CMYA5: variants seen among roughly 807,000 people sequenced by gnomAD.
The protein encoded by CMYA5 is cardiomyopathy-associated protein 5.
A neutral mutation model predicts 318.9 loss-of-function variants in CMYA5; 246 were observed. The observed-to-expected ratio is 0.77, with a 90% CI of 0.70 to 0.86. CMYA5 has a LOEUF of 0.86. Among genes scored for constraint, CMYA5 ranks in the 40% least tolerant of loss-of-function variants. CMYA5 has a pLI of 0.00. For missense variants in CMYA5, 4,589 were observed against 4,678.2 expected (o/e 0.98, Z 0.56); for synonymous variants, 1,641 against 1,729.5 (o/e 0.95, Z 1.27).
chr5:79,694,233 C>T (rs1194499894), intron 1 of CMYA5, among the ~76,000 whole-genome samples: 1 of 151,824 alleles, frequency 6.6e-6, no homozygotes, highest in Non-Finnish European at 1.5e-5. Flanking sequence ...AGGATAAAAA[C>T]AAACAAACAA....
At chr5:79,774,547 G>C (rs1561227383) in intron 9 of CMYA5, 2 of 152,304 alleles carry the variant, frequency 1.3e-5, no homozygotes, top group African/African-American at 2.4e-5. Flanking sequence ...GAGAGAAGCC[G>C]TGTATTGAAT....
At chr5:79,716,043 A>G (rs1318077660) in intron 1 of CMYA5, among the ~76,000 whole-genome samples, 1 of 152,186 alleles carries the variant, frequency 6.6e-6, no homozygotes, top group Non-Finnish European at 1.5e-5. Context: ...GATTAGGTCC[A>G]TAGGTCAGTT....
intron 1 of CMYA5, among the ~76,000 whole-genome samples, chr5:79,707,753 A>G (rs1827301623): frequency 6.6e-6 from 1 of 152,246 alleles, no homozygotes; most frequent in South Asian, 2.1e-4. Flanking sequence ...AGCCCCGGAA[A>G]GGAAGGGGAA....
rs916292395 is a variant in CMYA5 at position 79,753,192 on chromosome 5, T to C, written c.11110+398T>C. Among the ~76,000 whole-genome samples, 15 of 152,092 alleles carry C rather than the reference T, an allele frequency of 9.9e-5. 1 individual carries two copies. Among genetic ancestry groups the C allele is most frequent in the Admixed American group, 4.6e-4 (7 of 15,254 alleles). ...TGTCAAACAGATTTCTCTTTATGAG[T>C]GGTTTTCCCCTCTTCAATTCAGTTC... On this transcript the variant is annotated intron_variant, in intron 6 of 12. Coordinates refer to ENST00000446378, the MANE Select transcript of CMYA5 (RefSeq NM_153610.5).
At chr5:79,719,306 C>G (rs1827575355) in intron 1 of CMYA5, among the ~76,000 whole-genome samples, 1 of 152,116 alleles carries the variant, frequency 6.6e-6, no homozygotes, top group African/African-American at 2.4e-5. Context: ...TCTTTCCACT[C>G]ATGATTCTAA....
At chr5:79,702,627 C>T (rs1827194852) in intron 1 of CMYA5, among the ~76,000 whole-genome samples, 1 of 151,976 alleles carries the variant, frequency 6.6e-6, no homozygotes, top group South Asian at 2.1e-4. Flanking sequence ...AGGGGTGATG[C>T]TTTAGGGGCA....
chr5:79,698,620 C>T (rs952981050), intron 1 of CMYA5, among the ~76,000 whole-genome samples: 1 of 152,228 alleles, frequency 6.6e-6, no homozygotes, highest in Non-Finnish European at 1.5e-5. Context: ...GTGCAAATGA[C>T]GCTTTATAAA....
rs753038415 is a variant in CMYA5 at position 79,732,059 on chromosome 5, A to G, written c.3294A>G (p.Thr1098=). Residue 1098 remains threonine (T), a synonymous_variant, in exon 2 of 13, where the codon ACA becomes ACG. Coordinates refer to ENST00000446378, the MANE Select transcript of CMYA5 (RefSeq NM_153610.5). ...EKAEIKPEIP[T]TSTSVSEYLI... is the part of the protein sequence containing the mutation. ...CAGAAATTAAGCCAGAGATTCCAAC[A>G]ACCTCAACATCTGTATCTGAATATC... The G allele has an allele frequency of 2.5e-6, 4 of 1,613,980 alleles. No individual in the cohort carries two copies. In the South Asian group the frequency reaches 4.4e-5, roughly 18 times the overall value.
chr5:79,729,529 A>G lies in CMYA5; in HGVS notation c.764A>G (p.Lys255Arg). ...YGTLPKGYVIKEIHYRKGKDA... is the reference protein window; with the variant it reads ...YGTLPKGYVIREIHYRKGKDA... ...ACATTGCCAAAGGGTTATGTAATTA[A>G]AGAAATACATTATAGGAAAGGGAAA... The change falls in exon 2 of 13, where the codon AAA (lysine) becomes AGA (arginine). Residue 255 changes from lysine (K) to arginine (R), a missense_variant. Coordinates refer to ENST00000446378, the MANE Select transcript of CMYA5 (RefSeq NM_153610.5). The G allele has an allele frequency of 6.2e-7, 1 of 1,612,776 alleles. No individual in the cohort carries two copies. The highest frequency in any genetic ancestry group is 1.1e-5 in the South Asian group (1 of 90,968).
intron 9 of CMYA5, among the ~76,000 whole-genome samples, chr5:79,772,689 G>T (rs1276827932): frequency 6.6e-6 from 1 of 152,062 alleles, no homozygotes; most frequent in Admixed American, 6.5e-5. Context: ...ATCTTTAATC[G>T]CAGAGTCCCA....
intron 1 of CMYA5, among the ~76,000 whole-genome samples, chr5:79,707,492 A>G (rs78347320): frequency 0.022 from 3,295 of 152,310 alleles, 118 homozygotes; most frequent in African/African-American, 0.074. Context: ...TACACTTTCC[A>G]GAGGTAATCA....
In CMYA5 at chr5:79,737,866, A is replaced by G. The variant is rs753139603; in HGVS notation, c.9101A>G (p.Asp3034Gly). The G allele has an allele frequency of 2.5e-6, 4 of 1,598,494 alleles. No individual in the cohort carries two copies. The highest frequency in any genetic ancestry group is 3.4e-6 in the Non-Finnish European group (4 of 1,176,106). ...THKTKEEISTDSETDLSFIQP... is the reference protein window; with the variant it reads ...THKTKEEISTGSETDLSFIQP... ...AAGACAAAAGAAGAGATATCCACAG[A>G]TTCAGAAACTGATTTATCATTTATT... The change falls in exon 2 of 13, where the codon GAT (aspartate) becomes GGT (glycine). Residue 3034 changes from aspartate to glycine, a missense_variant. Transcript: ENST00000446378.
chr5:79,689,947 C>T lies in CMYA5; in HGVS notation c.40C>T (p.Leu14Phe). 1 of 1,074,882 alleles carries T rather than the reference C, an allele frequency of 9.3e-7. No individual in the cohort carries two copies. Among genetic ancestry groups the T allele is most frequent in the Non-Finnish European group, 1.4e-6 (1 of 718,126 alleles). The allele number at this position is 1,074,882 out of a possible 1,614,324, so 66.6% of individuals were successfully genotyped here. A position where few individuals can be genotyped will look rare whatever the true frequency, so the allele number is the denominator to read the frequency against. Residue 14 changes from leucine to phenylalanine, a missense_variant, in exon 1 of 13, where the codon CTC becomes TTC. Around this residue, in one of 3 missense-constraint regions of CMYA5, gnomAD observed 2,132 missense variants for 2,131.3 expected, o/e 1.00. Transcript: ENST00000446378. ...RDSNHAGESFLGSDGDEEATR... is the reference protein window; with the variant it reads ...RDSNHAGESFFGSDGDEEATR... ...TAGCAACCACGCTGGCGAGAGCTTT[C>T]TCGGCTCCGACGGGGACGAGGAGGC...
At chr5:79,691,772 C>T (rs992441792) in intron 1 of CMYA5, among the ~76,000 whole-genome samples, 7 of 152,206 alleles carry the variant, frequency 4.6e-5, no homozygotes, top group Admixed American at 1.3e-4. Context: ...GCCTGTGACA[C>T]GGCCTGCAGG....
At chr5:79,739,812 G>A (rs531336742) in intron 2 of CMYA5, among the ~76,000 whole-genome samples, 1 of 151,948 alleles carries the variant, frequency 6.6e-6, no homozygotes, top group Admixed American at 6.6e-5. Flanking sequence ...GGGAGACCTT[G>A]TCTCTACTAA....
intron 2 of CMYA5, among the ~76,000 whole-genome samples, chr5:79,739,785 C>T (rs1444149875): frequency 1.3e-5 from 2 of 151,974 alleles, no homozygotes; most frequent in Non-Finnish European, 1.5e-5. Flanking sequence ...AAGTTTGAGA[C>T]CAGCCTGGGC....
intron 3 of CMYA5, among the ~76,000 whole-genome samples, chr5:79,744,903 C>T (rs1187712985): frequency 6.6e-6 from 1 of 152,190 alleles, no homozygotes; most frequent in East Asian, 1.9e-4. Flanking sequence ...GATGCTCACT[C>T]AACGTGATGC....
intron 1 of CMYA5, among the ~76,000 whole-genome samples, chr5:79,702,600 G>C (rs1436873255): frequency 6.6e-6 from 1 of 152,162 alleles, no homozygotes. Context: ...AGCTGGAAGG[G>C]AGATGTGGAA....
At chr5:79,758,494 T>C (rs1451739337) in intron 6 of CMYA5, among the ~76,000 whole-genome samples, 1 of 152,000 alleles carries the variant, frequency 6.6e-6, no homozygotes. Flanking sequence ...ATCGTGCCAC[T>C]GCACTCCAGC....
Sources: allele counts gnomAD v4.1 joint callset (sites outside exome capture counted in the v4.1 genomes callset), GRCh38; gene constraint gnomAD v4.1.1; regional missense constraint gnomAD v4.1.1; transcripts MANE v1.5; gene names NCBI Gene and HGNC (gene_info 2026-07-23, HGNC 2026-07-21).